ESCO2: variants seen among roughly 807,000 people sequenced by gnomAD.
ESCO2 encodes the protein establishment of sister chromatid cohesion N-acetyltransferase 2.
ESCO2 carries 51 observed loss-of-function variants against 61.7 expected under a neutral mutation model. The observed-to-expected ratio is 0.83, with a 90% CI of 0.66 to 1.04. ESCO2 has a LOEUF of 1.04. Ranked by LOEUF, ESCO2 falls within the 50% of genes least tolerant of loss-of-function variation. The pLI is 0.00. For synonymous variants in ESCO2, 230 were observed against 238.2 expected, an observed-to-expected ratio of 0.97 and a Z score of 0.32; for missense variants, 692 against 686.2, an observed-to-expected ratio of 1.01 and a Z score of -0.09.
chr8:27,798,256 G>C (rs111673499), intron 9 of ESCO2, among the ~76,000 whole-genome samples: 16,135 of 152,120 alleles, frequency 0.11, 957 homozygotes, highest in East Asian at 0.24. Flanking sequence ...GGTCAGGTTC[G>C]AGATCAGCCT....
At chr8:27,780,901 T>A (rs894246236) in intron 4 of ESCO2, among the ~76,000 whole-genome samples, 2 of 152,230 alleles carry the variant, frequency 1.3e-5, no homozygotes, top group African/African-American at 4.8e-5. Context: ...AACTAGTATT[T>A]ACTGAGTGCT....
chr8:27,816,417 C>G (rs920443886), downstream of ESCO2, among the ~76,000 whole-genome samples: 2 of 148,144 alleles, frequency 1.4e-5, no homozygotes, highest in Non-Finnish European at 3.0e-5. Flanking sequence ...CTCGCTGTCG[C>G]CCAGACTGGA....
chr8:27,779,960 C>G (rs996147159), intron 3 of ESCO2: 2 of 483,532 alleles, frequency 4.1e-6, no homozygotes, highest in Admixed American at 6.7e-5. Context: ...CCACCGGGCC[C>G]TGCTGTACTC....
downstream of ESCO2, among the ~76,000 whole-genome samples, chr8:27,815,955 AAC>A (rs1180216019): frequency 3.3e-5 from 5 of 152,236 alleles, no homozygotes; most frequent in African/African-American, 1.2e-4. Context: ...TTGATACAGA[AAC>A]AGTTTATACT....
In ESCO2 at chr8:27,803,603, T is replaced by C. The variant is rs1361169091; in HGVS notation, c.*165T>C. 8 of 1,384,348 alleles carry C rather than the reference T, an allele frequency of 5.8e-6. No individual in the cohort carries two copies. Among genetic ancestry groups the C allele is most frequent in the South Asian group, 1.8e-5 (1 of 55,504 alleles). 85.8% of individuals were successfully genotyped at this position (1,384,348 alleles called of 1,614,324 possible). Reference sequence around the variant, plus strand: ...ATATCACAGTTTTGTTCCTTATGAGTTGAAAAGTCAGGAATAAATTTGTTG... The same window carrying C: ...ATATCACAGTTTTGTTCCTTATGAGCTGAAAAGTCAGGAATAAATTTGTTG... On this transcript the variant is annotated 3_prime_UTR_variant, in exon 11 of 11. Coordinates refer to ENST00000305188, the MANE Select transcript of ESCO2 (RefSeq NM_001017420.3).
downstream of ESCO2, chr8:27,812,574 G>T (rs569020780): frequency 4.1e-5 from 6 of 147,148 alleles, no homozygotes; most frequent in African/African-American, 1.5e-4. Context: ...CGACCTATCT[G>T]ACAAAGGGCT....
intron 10 of ESCO2, among the ~76,000 whole-genome samples, chr8:27,800,831 A>G (rs375467767): frequency 1.5e-3 from 234 of 152,318 alleles, no homozygotes; most frequent in African/African-American, 5.4e-3. Flanking sequence ...AATTGAAATA[A>G]ATCAGTTGCA....
At chr8:27,777,497 AC>A (rs1179312454) in intron 3 of ESCO2, 1 of 205,014 alleles carries the variant, frequency 4.9e-6, no homozygotes, top group Non-Finnish European at 9.8e-6. Flanking sequence ...CTGGGGTTTC[AC>A]CATGTTGCCC....
At chr8:27,781,234 A>G (rs1430027682) in intron 4 of ESCO2, among the ~76,000 whole-genome samples, 1 of 152,186 alleles carries the variant, frequency 6.6e-6, no homozygotes, top group Non-Finnish European at 1.5e-5. Context: ...AGATGAGGAA[A>G]TGGACTTGGG....
upstream of ESCO2, chr8:27,772,455 G>A: frequency 6.6e-7 from 1 of 1,525,524 alleles, no homozygotes; most frequent in Non-Finnish European, 8.9e-7. Flanking sequence ...CGGACTGCGG[G>A]TCCCGGCTTC....
chr8:27,773,208 T>C (rs1263827171), upstream of ESCO2, among the ~76,000 whole-genome samples: 1 of 152,208 alleles, frequency 6.6e-6, no homozygotes, highest in East Asian at 1.9e-4. Flanking sequence ...TTGAGCTATG[T>C]ATTCATCTAC....
At chr8:27,788,134 T>G in intron 6 of ESCO2, 132 bp downstream of exon 6, 1 of 677,882 alleles carries the variant, frequency 1.5e-6, no homozygotes, top group Non-Finnish European at 2.7e-6. Context: ...AGAATGGGAG[T>G]TGTAGGTGGT....
At position 27,804,675 on chromosome 8, in the gene ESCO2, A is replaced by G; in HGVS notation, c.*1237A>G. ...CAGATTGTAATTATATGTAGAAACT[A>G]TTCATCTGCATTCATTTTATTTGCC... On this transcript the variant is annotated 3_prime_UTR_variant, in exon 11 of 11. Coordinates refer to ENST00000305188, the MANE Select transcript of ESCO2 (RefSeq NM_001017420.3). The G allele has an allele frequency of 8.1e-6, 8 of 985,444 alleles. No homozygotes were observed. The highest frequency in any genetic ancestry group is 5.2e-4 in the Middle Eastern group (1 of 1,914). The allele number at this position is 985,444 out of a possible 1,614,324, so 61.0% of individuals were successfully genotyped here. A position where few individuals can be genotyped will look rare whatever the true frequency, so the allele number is the denominator to read the frequency against.
Position 27,784,131 on chromosome 8 carries a change from A to T in ESCO2, c.1013+74A>T, listed in dbSNP as rs193302087. On this transcript the variant is annotated intron_variant, in intron 5 of 10. Transcript: ENST00000305188. The stretch of plus-strand genomic sequence containing the variant: ...TCCTCTGGGTCTCTTTTTCAGTCTC[A>T]TGCTACTTAATTTGGGGAGTTTTTT... 380 of 1,436,698 alleles carry T rather than the reference A, an allele frequency of 2.6e-4. 3 individuals are homozygous for T. In the Admixed American group the frequency reaches 6.4e-3, roughly 24 times the overall value. 89.0% of individuals were successfully genotyped at this position (1,436,698 alleles called of 1,614,324 possible).
chr8:27,817,582 T>C (rs981977546), downstream of ESCO2, among the ~76,000 whole-genome samples: 2 of 152,132 alleles, frequency 1.3e-5, no homozygotes, highest in Non-Finnish European at 2.9e-5. Flanking sequence ...AGTTATATCT[T>C]GAAACTTTTG....
At chr8:27,797,136 C>T (rs1478346828) in intron 9 of ESCO2, among the ~76,000 whole-genome samples, 5 of 149,574 alleles carry the variant, frequency 3.3e-5, no homozygotes, top group Admixed American at 3.3e-4. Flanking sequence ...AAGTTCATTT[C>T]CTTATTGATT....
Position 27,804,091 on chromosome 8 carries a change from T to A in ESCO2, c.*653T>A, listed in dbSNP as rs1489966406. 4.4e-5 allele frequency: 43 copies of A among 985,330 alleles called. No individual in the cohort carries two copies. The highest frequency in any genetic ancestry group is 4.9e-5 in the Non-Finnish European group (41 of 829,956). 61.0% of individuals were successfully genotyped at this position (985,330 alleles called of 1,614,324 possible). On this transcript the variant is annotated 3_prime_UTR_variant, in exon 11 of 11. Coordinates refer to ENST00000305188, the MANE Select transcript of ESCO2 (RefSeq NM_001017420.3). Reference sequence around the variant, plus strand: ...GGCACTCGTCTGTAGTAACTCAGTTTGAATATCTTTAGAAAATGTTTAGAA... The same window carrying A: ...GGCACTCGTCTGTAGTAACTCAGTTAGAATATCTTTAGAAAATGTTTAGAA...
intron 8 of ESCO2, 133 bp downstream of exon 8, chr8:27,792,185 T>C: frequency 1.2e-6 from 1 of 827,574 alleles, no homozygotes; most frequent in Admixed American, 2.0e-5. Flanking sequence ...CATAGCAATT[T>C]ATACAAAACT....
chr8:27,816,172 G>C (rs578146334), downstream of ESCO2, among the ~76,000 whole-genome samples: 2 of 151,660 alleles, frequency 1.3e-5, no homozygotes, highest in Non-Finnish European at 2.9e-5. Context: ...CTGTCATCTT[G>C]TCTCATTAGT....
Sources: allele counts gnomAD v4.1 joint callset (sites outside exome capture counted in the v4.1 genomes callset), GRCh38; gene constraint gnomAD v4.1.1; transcripts MANE v1.5; gene names NCBI Gene and HGNC (gene_info 2026-07-23, HGNC 2026-07-21).